The following LILRA1 variants were observed in gnomAD, a reference collection of about 807,000 sequenced individuals.
LILRA1 encodes the protein leukocyte immunoglobulin-like receptor subfamily A member 1.
A neutral mutation model predicts 51.6 loss-of-function variants in LILRA1; 51 were observed. That is an observed-to-expected ratio of 0.99 (90% CI 0.79 to 1.25). LILRA1 has a LOEUF of 1.25. LILRA1 is among the 50% of genes most tolerant of loss of function. The probability of loss-of-function intolerance (pLI) is 0.00; values close to 1 mark genes in which losing one functional copy is unlikely to be tolerated. For synonymous variants in LILRA1, 305 were observed against 248.4 expected (o/e 1.23, Z -2.14); for missense variants, 660 against 611.7 (o/e 1.08, Z -0.83).
chr19:54,594,734 T>C lies in LILRA1; in HGVS notation c.140T>C (p.Leu47Pro), dbSNP rs2062990574. Residue 47 changes from leucine (L) to proline (P), a missense_variant, in exon 4 of 10, where the codon CTC becomes CCC. Transcript: ENST00000251372. ...ATCACCCAGGGGAGTCCCGTGACCC[T>C]CTGGTGTCAGGGGATCCTGGAGACC... is the stretch of plus-strand genomic sequence containing the variant. Reference protein sequence around the residue: ...SVITQGSPVTLWCQGILETQE... With the variant: ...SVITQGSPVTPWCQGILETQE... The C allele has an allele frequency of 6.2e-7, 1 of 1,614,036 alleles. No homozygotes were observed. Among genetic ancestry groups the C allele is most frequent in the Non-Finnish European group, 8.5e-7 (1 of 1,179,952 alleles).
At chr19:54,597,341 A>G (rs200007375) in intron 7 of LILRA1, among the ~76,000 whole-genome samples, 2,695 of 79,056 alleles carry the variant, frequency 0.034, no homozygotes, top group Middle Eastern at 0.079. Flanking sequence ...CAGAGGGGAG[A>G]GAGGTGTCTG....
chr19:54,596,300 T>C lies in LILRA1; in HGVS notation c.1070T>C (p.Leu357Pro), dbSNP rs746754154. 1 of 1,614,124 alleles carries C rather than the reference T, an allele frequency of 6.2e-7. No individual in the cohort carries two copies. Among genetic ancestry groups the C allele is most frequent in the Non-Finnish European group, 8.5e-7 (1 of 1,180,010 alleles). ...QSWGPFHTFL[L>P]TKAGAADAPL... ...TGGGGGCCGTTCCACACTTTCCTTC[T>C]GACCAAGGCGGGAGCAGCTGATGCC... The change falls in exon 7 of 10, where the codon CTG (leucine) becomes CCG (proline). Residue 357 changes from leucine to proline, a missense_variant. Leu to Pro is a moderately conservative substitution (Grantham distance 98). Transcript: ENST00000251372.
At chr19:54,596,999 A>G in intron 7 of LILRA1, among the ~76,000 whole-genome samples, 1 of 151,182 alleles carries the variant, frequency 6.6e-6, no homozygotes, top group Non-Finnish European at 1.5e-5. Flanking sequence ...TAGGGTAAAG[A>G]GCAGGGAAGG....
intron 7 of LILRA1, among the ~76,000 whole-genome samples, chr19:54,598,801 A>G (rs1318368063): frequency 6.6e-6 from 1 of 151,720 alleles, no homozygotes; most frequent in African/African-American, 2.4e-5. Context: ...ATAATTAAAA[A>G]AAATTTTTTT....
At chr19:54,594,623 G>A in intron 3 of LILRA1, 42 bp from the exon 4 acceptor site, 1 of 1,608,342 alleles carries the variant, frequency 6.2e-7, no homozygotes, top group Admixed American at 1.7e-5. Context: ...AGATATGTTG[G>A]GTGGGAAATG....
Position 54,601,308 on chromosome 19 carries a change from T to A in LILRA1, c.*491T>A. ...GTATCGGATTTCAACCAGGAAAAGATAAATCCACCCTGATGCCCTGACACC... is the reference window on the plus strand; with the variant it reads ...GTATCGGATTTCAACCAGGAAAAGAAAAATCCACCCTGATGCCCTGACACC... On this transcript the variant is annotated 3_prime_UTR_variant, in exon 10 of 10. Coordinates refer to ENST00000251372, the MANE Select transcript of LILRA1 (RefSeq NM_006863.4). 1 of 192,858 alleles carries A rather than the reference T, an allele frequency of 5.2e-6. No individual in the cohort carries two copies. 11.9% of individuals were successfully genotyped at this position (192,858 alleles called of 1,614,324 possible). A position where few individuals can be genotyped will look rare whatever the true frequency, so the allele number is the denominator to read the frequency against.
intron 7 of LILRA1, among the ~76,000 whole-genome samples, chr19:54,598,248 T>C (rs1327512038): frequency 6.6e-6 from 1 of 152,188 alleles, no homozygotes; most frequent in East Asian, 1.9e-4. Context: ...ATTTCAATTA[T>C]ATGAACCTAT....
At position 54,596,333 on chromosome 19, in the gene LILRA1, G is replaced by A. The variant is rs139338661; in HGVS notation, c.1103G>A (p.Arg368His). The stretch of plus-strand genomic sequence containing the variant: ...GCGGGAGCAGCTGATGCCCCCCTCC[G>A]TCTCAGATCAATACACGAATATCCT... ...TKAGAADAPL[R>H]LRSIHEYPKY... is the part of the protein sequence containing the mutation. Residue 368 changes from arginine to histidine, a missense_variant, in exon 7 of 10, where the codon CGT becomes CAT. Transcript: ENST00000251372. 162 of 1,614,052 alleles carry A rather than the reference G, an allele frequency of 1.0e-4. 1 individual carries two copies. The African/African-American group carries it at 1.6e-3, about 16-fold the overall frequency.
At chr19:54,595,976 C>T in intron 6 of LILRA1, 41 bp downstream of exon 6, 3 of 1,605,774 alleles carry the variant, frequency 1.9e-6, no homozygotes, top group African/African-American at 2.7e-5. Context: ...ACAGGCTCCG[C>T]ACAGGCCCTG....
chr19:54,595,603 G>C, intron 5 of LILRA1, 36 bp from the exon 6 acceptor site: 1 of 1,580,752 alleles, frequency 6.3e-7, no homozygotes, highest in Non-Finnish European at 8.6e-7. Flanking sequence ...GAAGCCTGAG[G>C]GTCGGCTCCT....
rs919874018 is a variant in LILRA1 at position 54,596,309 on chromosome 19, C to T, written c.1079C>T (p.Ala360Val). Residue 360 changes from alanine (A) to valine (V), a missense_variant, in exon 7 of 10, where the codon GCG becomes GTG. Ala to Val is a moderately conservative substitution (Grantham distance 64). Transcript: ENST00000251372. ...GPFHTFLLTK[A>V]GAADAPLRLR... Reference sequence around the variant, plus strand: ...TTCCACACTTTCCTTCTGACCAAGGCGGGAGCAGCTGATGCCCCCCTCCGT... The same window carrying T: ...TTCCACACTTTCCTTCTGACCAAGGTGGGAGCAGCTGATGCCCCCCTCCGT... 6 of 1,612,332 alleles carry T rather than the reference C, an allele frequency of 3.7e-6. No individual in the cohort carries two copies. Among genetic ancestry groups the T allele is most frequent in the Non-Finnish European group, 5.1e-6 (6 of 1,179,394 alleles).
Position 54,594,800 on chromosome 19 carries a change from G to A in LILRA1, c.206G>A (p.Trp69Ter), listed in dbSNP as rs535289226. Residue 69 changes from tryptophan (W) to a stop codon, truncating the protein, a stop_gained, in exon 4 of 10, where the codon TGG becomes TAG. Transcript: ENST00000251372. LOFTEE classifies it high-confidence loss of function. ...TATAGAGAAAAGAAAACAGCACCCTGGATTACACGGATCCCACAGGAGATT... is the reference window on the plus strand; with the variant it reads ...TATAGAGAAAAGAAAACAGCACCCTAGATTACACGGATCCCACAGGAGATT... ...RLYREKKTAP[W>*]ITRIPQEIVK... 6.2e-7 allele frequency: 1 copy of A among 1,614,130 alleles called. No individual in the cohort carries two copies. Among genetic ancestry groups the A allele is most frequent in the African/African-American group, 1.3e-5 (1 of 75,032 alleles).
Position 54,594,669 on chromosome 19 carries a change from C to T in LILRA1, c.75C>T (p.Thr25=), listed in dbSNP as rs1422835623. The T allele has an allele frequency of 6.2e-7, 1 of 1,612,420 alleles. No individual in the cohort carries two copies. Among genetic ancestry groups the T allele is most frequent in the Non-Finnish European group, 8.5e-7 (1 of 1,179,226 alleles). The change falls in exon 4 of 10, where the codon ACC becomes ACT. Residue 25 remains threonine (T), a synonymous_variant. Transcript: ENST00000251372. ...LGPRTHVQAG[T]LPKPTLWAEP... ...TGAACTCTGATTTCCTTCCAGGGACCCTCCCCAAGCCCACACTCTGGGCTG... is the reference window on the plus strand; with the variant it reads ...TGAACTCTGATTTCCTTCCAGGGACTCTCCCCAAGCCCACACTCTGGGCTG...
In LILRA1 at chr19:54,595,263, C is replaced by G. The variant is rs571329972; in HGVS notation, c.522C>G (p.Thr174=). ...AATGCCTGAACTCACAGCCCCGTAC[C>G]CATGGGTGGTCCCGGGCCATCTTCT... ...HPQCLNSQPR[T]HGWSRAIFSV... The change falls in exon 5 of 10, where the codon ACC becomes ACG. Residue 174 remains threonine, a synonymous_variant. Coordinates refer to ENST00000251372, the MANE Select transcript of LILRA1 (RefSeq NM_006863.4). 1,143 of 1,614,022 alleles carry G rather than the reference C, an allele frequency of 7.1e-4. 19 individuals are homozygous for G. In the South Asian group the frequency reaches 0.012, roughly 17 times the overall value.
chr19:54,596,557 G>C (rs1157381563), intron 7 of LILRA1, 66 bp downstream of exon 7: 41 of 1,591,450 alleles, frequency 2.6e-5, no homozygotes, highest in Non-Finnish European at 3.2e-5. Context: ...CCCCAGGAGA[G>C]CTCTGGACAC....
chr19:54,595,619 C>T lies in LILRA1; in HGVS notation c.662-20C>T. 1.3e-6 allele frequency: 2 copies of T among 1,594,228 alleles called. No homozygotes were observed. Among genetic ancestry groups the T allele is most frequent in the Non-Finnish European group, 1.7e-6 (2 of 1,168,030 alleles). On this transcript the variant is annotated intron_variant, in intron 5 of 9. Coordinates refer to ENST00000251372, the MANE Select transcript of LILRA1 (RefSeq NM_006863.4). Reference sequence around the variant, plus strand: ...AAGCCTGAGGGTCGGCTCCTGGAAACCATGAGCACCTTTTCCCAGGTGTTT... The same window carrying T: ...AAGCCTGAGGGTCGGCTCCTGGAAATCATGAGCACCTTTTCCCAGGTGTTT...
rs2062993098 is a variant in LILRA1 at position 54,594,789 on chromosome 19, A to G, written c.195A>G (p.Lys65=). ...AGTACCGTCTGTATAGAGAAAAGAA[A>G]ACAGCACCCTGGATTACACGGATCC... ...TQEYRLYREK[K]TAPWITRIPQ... Residue 65 remains lysine (K), a synonymous_variant, in exon 4 of 10, where the codon AAA becomes AAG. Coordinates refer to ENST00000251372, the MANE Select transcript of LILRA1 (RefSeq NM_006863.4). 3.7e-6 allele frequency: 6 copies of G among 1,614,102 alleles called. No homozygotes were observed. The highest frequency in any genetic ancestry group is 1.3e-5 in the African/African-American group (1 of 75,024).
intron 3 of LILRA1, 91 bp from the exon 4 acceptor site, chr19:54,594,574 A>G (rs1281887945): frequency 1.9e-6 from 3 of 1,611,450 alleles, no homozygotes; most frequent in Non-Finnish European, 2.5e-6. Flanking sequence ...TTCTGGACTG[A>G]CTGATGGGGG....
At chr19:54,594,524 A>G in intron 3 of LILRA1, 48 bp downstream of exon 3, 4 of 1,614,000 alleles carry the variant, frequency 2.5e-6, no homozygotes, top group Non-Finnish European at 3.4e-6. Flanking sequence ...CACTGGGGAC[A>G]AGGGGCCACC....
Sources: gnomAD v4.1 joint callset for allele counts (sites outside exome capture counted in the v4.1 genomes callset) on GRCh38, gnomAD v4.1.1 for gene constraint, MANE v1.5 for transcripts, NCBI Gene and HGNC (gene_info 2026-07-23, HGNC 2026-07-21) for gene names.